Variants in L3MBTL4 observed in about 807,000 individuals in gnomAD.
L3MBTL4 encodes lethal(3)malignant brain tumor-like protein 4.
A neutral mutation model predicts 84.5 loss-of-function variants in L3MBTL4; 70 were observed. That is an observed-to-expected ratio of 0.83 (90% CI 0.68 to 1.01). The LOEUF is 1.01. L3MBTL4 is among the 50% of genes least tolerant of loss of function. L3MBTL4 has a pLI of 0.00. For synonymous variants in L3MBTL4, 274 were observed against 259.8 expected (o/e 1.05, Z -0.52); for missense variants, 715 against 754.8 (o/e 0.95, Z 0.62).
intron 16 of L3MBTL4, among the ~76,000 whole-genome samples, chr18:6,008,296 T>G (rs780351109): frequency 2.0e-5 from 3 of 152,178 alleles, no homozygotes; most frequent in Non-Finnish European, 4.4e-5. Context: ...GGCCTTGGCT[T>G]GGTTTTTGCT....
intron 1 of L3MBTL4, among the ~76,000 whole-genome samples, chr18:6,372,498 T>C (rs1316356606): frequency 6.6e-6 from 1 of 152,216 alleles, no homozygotes; most frequent in Non-Finnish European, 1.5e-5. Flanking sequence ...ACTATAATTC[T>C]CTTCAATATT....
intron 16 of L3MBTL4, among the ~76,000 whole-genome samples, chr18:6,057,805 G>C (rs185877936): frequency 6.6e-6 from 1 of 152,328 alleles, no homozygotes; most frequent in East Asian, 1.9e-4. Flanking sequence ...CAAGGCAGCA[G>C]TAACCATAGC....
intron 16 of L3MBTL4, among the ~76,000 whole-genome samples, chr18:6,005,628 T>C (rs756233021): frequency 3.3e-5 from 5 of 152,208 alleles, no homozygotes; most frequent in Non-Finnish European, 5.9e-5. Context: ...CTTAAGATAA[T>C]GGTGTCCCGC....
intron 16 of L3MBTL4, among the ~76,000 whole-genome samples, chr18:5,972,892 G>GAGAAGAGAAGAGAAT (rs71370533): frequency 3.0e-5 from 4 of 132,032 alleles, no homozygotes; most frequent in Admixed American, 1.6e-4. Context: ...TAGAACAGAA[G>GAGAAGAGAAGAGAAT]AGAATAGAAT....
chr18:6,257,030 C>T (rs964659163), intron 5 of L3MBTL4, among the ~76,000 whole-genome samples: 2 of 152,074 alleles, frequency 1.3e-5, no homozygotes, highest in Non-Finnish European at 2.9e-5. Flanking sequence ...TTTTGAGAAC[C>T]GCTTGTATTT....
At chr18:6,136,397 C>A (rs2060029754) in intron 14 of L3MBTL4, among the ~76,000 whole-genome samples, 1 of 152,150 alleles carries the variant, frequency 6.6e-6, no homozygotes, top group African/African-American at 2.4e-5. Context: ...AGAAAACCCC[C>A]AACTTTCCAC....
At chr18:6,353,607 T>A (rs571517987) in intron 1 of L3MBTL4, among the ~76,000 whole-genome samples, 27 of 152,190 alleles carry the variant, frequency 1.8e-4, no homozygotes, top group African/African-American at 6.5e-4. Context: ...GGATACTAAA[T>A]CAACCTACAA....
At chr18:6,240,286 C>T (rs1256953861) in intron 8 of L3MBTL4, among the ~76,000 whole-genome samples, 1 of 151,934 alleles carries the variant, frequency 6.6e-6, no homozygotes, top group Non-Finnish European at 1.5e-5. Flanking sequence ...AAGATATGCT[C>T]TAATTAGCAC....
chr18:6,158,182 C>T (rs1271506547), intron 13 of L3MBTL4, among the ~76,000 whole-genome samples: 1 of 152,122 alleles, frequency 6.6e-6, no homozygotes, highest in Admixed American at 6.5e-5. Context: ...TAAGAGATAC[C>T]ACCGTCCTTC....
chr18:6,291,678 C>G (rs2049872050), intron 4 of L3MBTL4, among the ~76,000 whole-genome samples: 2 of 152,170 alleles, frequency 1.3e-5, no homozygotes, highest in Admixed American at 1.3e-4. Context: ...CCGTATCTCT[C>G]ACCATACACA....
intron 14 of L3MBTL4, among the ~76,000 whole-genome samples, chr18:6,109,453 T>A (rs1035083173): frequency 6.6e-6 from 1 of 152,114 alleles, no homozygotes. Context: ...GCCCTGTGGG[T>A]GACACAGTAG....
chr18:6,061,499 A>G (rs1159942002), intron 16 of L3MBTL4, among the ~76,000 whole-genome samples: 2 of 151,970 alleles, frequency 1.3e-5, no homozygotes, highest in Non-Finnish European at 2.9e-5. Flanking sequence ...AATAAAGTCC[A>G]ACTTATCTAG....
intron 12 of L3MBTL4, among the ~76,000 whole-genome samples, chr18:6,205,338 C>T (rs578182335): frequency 2.6e-5 from 4 of 152,256 alleles, no homozygotes; most frequent in African/African-American, 7.2e-5. Flanking sequence ...ACCAGCCTTG[C>T]GGACACCTTC....
At chr18:6,124,421 TAC>T (rs569709236) in intron 14 of L3MBTL4, among the ~76,000 whole-genome samples, 1,627 of 148,462 alleles carry the variant, frequency 0.011, 43 homozygotes, top group African/African-American at 0.038. Context: ...AAATTATATA[TAC>T]AGTTATATTA....
At chr18:6,127,923 C>G (rs1406316166) in intron 14 of L3MBTL4, among the ~76,000 whole-genome samples, 1 of 150,998 alleles carries the variant, frequency 6.6e-6, no homozygotes, top group Non-Finnish European at 1.5e-5. Flanking sequence ...TGGTGCCTCA[C>G]TCTAAAAAGT....
chr18:6,276,324 T>C (rs1172063795), intron 4 of L3MBTL4, among the ~76,000 whole-genome samples: 1 of 152,190 alleles, frequency 6.6e-6, no homozygotes, highest in Non-Finnish European at 1.5e-5. Context: ...CAAAATAATT[T>C]TTAAATTGAT....
chr18:6,387,251 G>A (rs1028373843), intron 1 of L3MBTL4, among the ~76,000 whole-genome samples: 1 of 152,164 alleles, frequency 6.6e-6, no homozygotes, highest in Admixed American at 6.5e-5. Context: ...TCGTCTCTGT[G>A]CTACCACTAT....
Position 6,118,569 on chromosome 18 carries a change from G to C in L3MBTL4, c.1199+19625C>G, listed in dbSNP as rs112243237. 2.7e-3 allele frequency among the ~76,000 whole-genome samples: 415 copies of C among 152,270 alleles called. 1 individual carries two copies. Among genetic ancestry groups the C allele is most frequent in the Non-Finnish European group, 3.0e-3 (207 of 68,012 alleles). Reference sequence around the variant, plus strand: ...TTCAGTGAAAGAAAAAAAACTCAGAGAAAAGAAAGGAACATAAACCATTTC... The same window carrying C: ...TTCAGTGAAAGAAAAAAAACTCAGACAAAAGAAAGGAACATAAACCATTTC... On this transcript the variant is annotated intron_variant, in intron 14 of 18. Transcript: ENST00000317931.
intron 14 of L3MBTL4, among the ~76,000 whole-genome samples, chr18:6,108,894 T>C (rs1286527245): frequency 6.6e-6 from 1 of 152,240 alleles, no homozygotes; most frequent in Non-Finnish European, 1.5e-5. Context: ...AGAGATGATT[T>C]AAAGTGTACA....
Sources: allele counts gnomAD v4.1 joint callset (sites outside exome capture counted in the v4.1 genomes callset), GRCh38; gene constraint gnomAD v4.1.1; transcripts MANE v1.5; gene names NCBI Gene and HGNC (gene_info 2026-07-23, HGNC 2026-07-21).